The following GLIS3 variants were observed in gnomAD, a reference collection of about 807,000 sequenced individuals.
GLIS3 encodes zinc finger protein GLIS3.
Under a neutral mutation model 78.6 loss-of-function variants are expected in GLIS3, and 53 were observed. The ratio of observed to expected loss-of-function variants is 0.67; its 90% CI spans 0.54 to 0.85. GLIS3 has a LOEUF of 0.85. GLIS3 is among the 40% of genes least tolerant of loss of function. The pLI is 0.00. For missense variants in GLIS3, 1,703 were observed against 1,231.1 expected (o/e 1.38, Z -5.74); for synonymous variants, 684 against 509.9 (o/e 1.34, Z -4.60).
chr9:4,342,676 A>G (rs79792500), intron 2 of GLIS3, among the ~76,000 whole-genome samples: 2,524 of 152,218 alleles, frequency 0.017, 84 homozygotes, highest in African/African-American at 0.056. Flanking sequence ...AAATCTGTAA[A>G]TTGCTTTGGG....
chr9:3,947,595 G>T (rs753384816), intron 4 of GLIS3, among the ~76,000 whole-genome samples: 1 of 152,168 alleles, frequency 6.6e-6, no homozygotes, highest in Non-Finnish European at 1.5e-5. Flanking sequence ...GCATGAATTT[G>T]CCAAGAGAGA....
the GLIS3 span, among the ~76,000 whole-genome samples, chr9:4,477,254 G>A: frequency 1.3e-5 from 2 of 151,758 alleles, no homozygotes; most frequent in South Asian, 2.1e-4. Context: ...ATTCTGACAC[G>A]AGTTTCAACA....
At chr9:4,037,306 G>C (rs922754339) in intron 4 of GLIS3, among the ~76,000 whole-genome samples, 5 of 152,084 alleles carry the variant, frequency 3.3e-5, no homozygotes, top group African/African-American at 9.7e-5. Flanking sequence ...TCACTTCCTA[G>C]CTTTGTGACC....
the GLIS3 span, among the ~76,000 whole-genome samples, chr9:4,463,979 T>C: frequency 5.9e-5 from 9 of 152,332 alleles, no homozygotes; most frequent in African/African-American, 2.2e-4. Flanking sequence ...ATTTGGAATG[T>C]CATAGATGCA....
chr9:4,163,652 G>A (rs1169517927), intron 2 of GLIS3, among the ~76,000 whole-genome samples: 2 of 152,146 alleles, frequency 1.3e-5, no homozygotes, highest in Non-Finnish European at 2.9e-5. Context: ...TATATATGCG[G>A]GCCAGTCATT....
chr9:3,874,653 T>G (rs887991928), intron 8 of GLIS3, among the ~76,000 whole-genome samples: 2 of 152,078 alleles, frequency 1.3e-5, no homozygotes, highest in Non-Finnish European at 2.9e-5. Flanking sequence ...GTAGAGAGTG[T>G]CAGGATAGGT....
chr9:4,199,552 CA>C (rs1819175174), intron 2 of GLIS3, among the ~76,000 whole-genome samples: 1 of 148,506 alleles, frequency 6.7e-6, no homozygotes, highest in Admixed American at 6.7e-5. Context: ...AAAACAGGAC[CA>C]AAAAAGGTAA....
At chr9:4,066,198 A>C (rs533853063) in intron 4 of GLIS3, among the ~76,000 whole-genome samples, 6 of 152,274 alleles carry the variant, frequency 3.9e-5, no homozygotes, top group African/African-American at 1.4e-4. Flanking sequence ...GGTAAGGCTA[A>C]CCCTATCTGT....
At chr9:4,054,699 T>C (rs1040041601) in intron 4 of GLIS3, among the ~76,000 whole-genome samples, 2 of 152,204 alleles carry the variant, frequency 1.3e-5, no homozygotes, top group African/African-American at 4.8e-5. Flanking sequence ...TAATAGCACA[T>C]TGCTGTTGGT....
At chr9:4,050,491 A>C (rs550431322) in intron 4 of GLIS3, among the ~76,000 whole-genome samples, 46 of 152,294 alleles carry the variant, frequency 3.0e-4, no homozygotes, top group Middle Eastern at 3.4e-3. Context: ...TGAAATACCT[A>C]ATGTACATGA....
chr9:3,836,203 C>T (rs1003890728), intron 9 of GLIS3, among the ~76,000 whole-genome samples: 4 of 152,168 alleles, frequency 2.6e-5, no homozygotes, highest in Admixed American at 1.3e-4. Context: ...GCAGTTTGTG[C>T]CTGGGTAGAA....
chr9:4,262,903 G>C (rs1825656396), intron 2 of GLIS3, among the ~76,000 whole-genome samples: 1 of 134,734 alleles, frequency 7.4e-6, no homozygotes, highest in Non-Finnish European at 1.5e-5. Flanking sequence ...CATGGTAGCT[G>C]ACAGATGTTG....
At chr9:4,332,073 C>CCAAGG (rs1367113618) in intron 2 of GLIS3, among the ~76,000 whole-genome samples, 2 of 152,188 alleles carry the variant, frequency 1.3e-5, no homozygotes, top group Non-Finnish European at 2.9e-5. Context: ...CTTAATTCCT[C>CCAAGG]CAAGGATTTC....
chr9:4,267,698 A>T (rs1300544937), intron 2 of GLIS3, among the ~76,000 whole-genome samples: 1 of 152,180 alleles, frequency 6.6e-6, no homozygotes, highest in Non-Finnish European at 1.5e-5. Flanking sequence ...ACAAATCATA[A>T]AACAACGATA....
At chr9:4,289,338 T>C (rs758473313) in intron 1 of GLIS3, among the ~76,000 whole-genome samples, 1 of 152,180 alleles carries the variant, frequency 6.6e-6, no homozygotes, top group Non-Finnish European at 1.5e-5. Flanking sequence ...TTTATACCTA[T>C]GGCATTTAAA....
At chr9:3,863,048 A>G (rs903820786) in intron 8 of GLIS3, among the ~76,000 whole-genome samples, 1 of 152,198 alleles carries the variant, frequency 6.6e-6, no homozygotes, top group Non-Finnish European at 1.5e-5. Flanking sequence ...ATCCTTTTCA[A>G]AACTTAAAAA....
intron 4 of GLIS3, among the ~76,000 whole-genome samples, chr9:4,064,499 A>T (rs911478932): frequency 6.6e-6 from 1 of 152,194 alleles, no homozygotes; most frequent in Non-Finnish European, 1.5e-5. Flanking sequence ...TTTTTATTTC[A>T]GAAAATATAC....
At position 4,094,369 on chromosome 9, in the gene GLIS3, C is replaced by G. The variant is rs535513885; in HGVS notation, c.1710+23399G>C. 5.3e-5 allele frequency among the ~76,000 whole-genome samples: 8 copies of G among 152,300 alleles called. No homozygotes were observed. The South Asian group carries it at 1.7e-3, about 32-fold the overall frequency. On this transcript the variant is annotated intron_variant, in intron 4 of 10. Coordinates refer to ENST00000381971, the MANE Select transcript of GLIS3 (RefSeq NM_001042413.2). ...GTACAATCTCCTATGTTAGTGAAAT[C>G]TGCCAACATTTCCTCTGTTTTAATT...
At chr9:3,860,876 T>C (rs1020344222) in intron 8 of GLIS3, among the ~76,000 whole-genome samples, 1 of 152,224 alleles carries the variant, frequency 6.6e-6, no homozygotes, top group East Asian at 1.9e-4. Flanking sequence ...AAAAGACACA[T>C]ATCTCTGTCT....
Sources: allele counts gnomAD v4.1 joint callset (sites outside exome capture counted in the v4.1 genomes callset), GRCh38; gene constraint gnomAD v4.1.1; transcripts MANE v1.5; gene names NCBI Gene and HGNC (gene_info 2026-07-23, HGNC 2026-07-21).